The following DHX36 variants were observed in gnomAD, a reference collection of about 807,000 sequenced individuals.
The protein encoded by DHX36 is ATP-dependent DNA/RNA helicase DHX36.
Under a neutral mutation model 139.0 loss-of-function variants are expected in DHX36, and 50 were observed. The ratio of observed to expected loss-of-function variants is 0.36; its 90% CI spans 0.29 to 0.46. The LOEUF (loss-of-function observed/expected upper bound fraction) is 0.46, where lower values mean the gene tolerates loss of function less well. Ranked by LOEUF, DHX36 falls within the 20% of genes least tolerant of loss-of-function variation. DHX36 has a pLI of 1.00. For synonymous variants in DHX36, 425 were observed against 401.9 expected (o/e 1.06, Z -0.69); for missense variants, 1,024 against 1,211.3 (o/e 0.85, Z 2.29).
chr3:154,320,232 T>C (rs1713137295), intron 1 of DHX36, among the ~76,000 whole-genome samples: 1 of 152,182 alleles, frequency 6.6e-6, no homozygotes, highest in African/African-American at 2.4e-5. Context: ...CTAGATTATT[T>C]TGTAACCTTC....
intron 1 of DHX36, chr3:154,319,273 C>T (rs1420770162): frequency 2.6e-5 from 4 of 152,060 alleles, no homozygotes; most frequent in African/African-American, 7.2e-5. Flanking sequence ...TTCTCAAATA[C>T]CCTGCTTCTA....
intron 20 of DHX36, among the ~76,000 whole-genome samples, chr3:154,281,362 T>C (rs1004327450): frequency 2.3e-4 from 35 of 151,630 alleles, no homozygotes; most frequent in African/African-American, 8.5e-4. Flanking sequence ...AAGCTTAAGG[T>C]TTTGTTTTTT....
rs1559942446 is a variant in DHX36 at position 154,276,344 on chromosome 3, C to T, written c.2854G>A (p.Glu952Lys). 6.2e-7 allele frequency: 1 copy of T among 1,610,454 alleles called. No individual in the cohort carries two copies. The highest frequency in any genetic ancestry group is 1.3e-5 in the African/African-American group (1 of 74,736). The change falls in exon 25 of 25, where the codon GAA becomes AAA. Residue 952 changes from glutamate to lysine, a missense_variant. Transcript: ENST00000496811. ...TTCTCTTGCAGAAGAATATCTAGTT[C>T]CTTTCTTAATTCCTAAGGTTGGAAA... is the stretch of plus-strand genomic sequence containing the variant. The part of the protein sequence containing the change: ...IAHLVKELRK[E>K]LDILLQEKIE...
intron 24 of DHX36, 160 bp from the exon 25 acceptor site, chr3:154,276,516 T>TA (rs756017572): frequency 2.1e-5 from 17 of 793,574 alleles, no homozygotes; most frequent in Non-Finnish European, 3.3e-5. Context: ...TATGAGTGAA[T>TA]AACTAAAGTG....
At chr3:154,313,621 A>G (rs1034916981) in intron 3 of DHX36, among the ~76,000 whole-genome samples, 1 of 152,196 alleles carries the variant, frequency 6.6e-6, no homozygotes, top group Admixed American at 6.5e-5. Flanking sequence ...TCGAGGCTGC[A>G]GTGAGCCATG....
intron 17 of DHX36, among the ~76,000 whole-genome samples, chr3:154,286,644 G>C (rs1407689653): frequency 6.6e-6 from 1 of 151,712 alleles, no homozygotes; most frequent in Non-Finnish European, 1.5e-5. Flanking sequence ...ATAAACAGAG[G>C]AATAGATGAT....
chr3:154,276,697 C>A, intron 24 of DHX36, 50 bp downstream of exon 24: 1 of 1,566,038 alleles, frequency 6.4e-7, no homozygotes, highest in Non-Finnish European at 8.8e-7. Flanking sequence ...ACCACATGAC[C>A]ACATGCTGAC....
rs1559957621 is a variant in DHX36 at position 154,310,801 on chromosome 3, A to AAG, written c.642+834_642+835insCT. 7.1e-4 allele frequency among the ~76,000 whole-genome samples: 28 copies of AAG among 39,472 alleles called. 1 individual carries two copies. The highest frequency in any genetic ancestry group is 2.7e-3 in the African/African-American group (26 of 9,482). The allele number at this position is 39,472 out of a possible 152,430, so 25.9% of individuals were successfully genotyped here. On this transcript the variant is annotated intron_variant, in intron 4 of 24. Transcript: ENST00000496811. The stretch of plus-strand genomic sequence containing the variant: ...TCAAAAAAAAAAAAAAAAAAAAAAA[A>AAG]AAAAAATATATATATATATATATAT...
intron 9 of DHX36, among the ~76,000 whole-genome samples, chr3:154,301,765 T>C (rs901179420): frequency 6.6e-6 from 1 of 152,056 alleles, no homozygotes; most frequent in African/African-American, 2.4e-5. Context: ...GCTAAAACCA[T>C]AGAGGGCGCA....
intron 20 of DHX36, among the ~76,000 whole-genome samples, chr3:154,282,870 T>C (rs1419912387): frequency 6.6e-6 from 1 of 152,182 alleles, no homozygotes; most frequent in Non-Finnish European, 1.5e-5. Flanking sequence ...ATCTATCCTA[T>C]TTGATACTTT....
At chr3:154,321,843 C>G (rs539147833) in intron 1 of DHX36, among the ~76,000 whole-genome samples, 1 of 150,036 alleles carries the variant, frequency 6.7e-6, no homozygotes, top group East Asian at 2.0e-4. Flanking sequence ...CCCGTAATCT[C>G]AGCTACTCAG....
chr3:154,283,600 C>T (rs751956129), intron 19 of DHX36, among the ~76,000 whole-genome samples: 3 of 151,362 alleles, frequency 2.0e-5, no homozygotes, highest in African/African-American at 7.3e-5. Flanking sequence ...GACTTAAATG[C>T]TATTATATAT....
Position 154,300,537 on chromosome 3 carries a change from T to C in DHX36, c.1461+57A>G. The C allele has an allele frequency of 4.3e-6, 6 of 1,379,346 alleles. No individual in the cohort carries two copies. In the South Asian group the frequency reaches 4.8e-5, roughly 11 times the overall value. 85.4% of individuals were successfully genotyped at this position (1,379,346 alleles called of 1,614,324 possible). ...TAAGAAAACTGTATTTTTCATGGCC[T>C]TGATACGTTAATAAAATTAAAATTA... is the stretch of plus-strand genomic sequence containing the variant. On this transcript the variant is annotated intron_variant, in intron 11 of 24. Coordinates refer to ENST00000496811, the MANE Select transcript of DHX36 (RefSeq NM_020865.3).
In DHX36 at chr3:154,280,855, T is replaced by C; in HGVS notation, c.2384A>G (p.His795Arg). ...CTCAGCAAACTGTCCTTTCATGTTA[T>C]GCAGCATCTAGGGAGCAATGGTAAC... ...FLSSNTLQML[H>R]NMKGQFAEHL... The change falls in exon 21 of 25, where the codon CAT becomes CGT. Residue 795 changes from histidine (H) to arginine (R), a missense_variant. Around this residue, in one of 4 missense-constraint regions of DHX36, gnomAD observed 470 missense variants for 616.2 expected, o/e 0.76. Coordinates refer to ENST00000496811, the MANE Select transcript of DHX36 (RefSeq NM_020865.3). 6.2e-7 allele frequency: 1 copy of C among 1,613,032 alleles called. No homozygotes were observed. Among genetic ancestry groups the C allele is most frequent in the Non-Finnish European group, 8.5e-7 (1 of 1,179,534 alleles).
chr3:154,312,350 A>C (rs1233280431), intron 3 of DHX36: 4 of 152,206 alleles, frequency 2.6e-5, no homozygotes, highest in African/African-American at 9.6e-5. Context: ...ATACTACAAA[A>C]GGAATGACTA....
In DHX36 at chr3:154,274,244, G is replaced by C. The variant is rs528693334; in HGVS notation, c.*1927C>G. 1 of 154,162 alleles carries C rather than the reference G, an allele frequency of 6.5e-6. No individual in the cohort carries two copies. Among genetic ancestry groups the C allele is most frequent in the South Asian group, 1.9e-4 (1 of 5,144 alleles). 9.5% of individuals were successfully genotyped at this position (154,162 alleles called of 1,614,324 possible). A position where few individuals can be genotyped will look rare whatever the true frequency, so the allele number is the denominator to read the frequency against. ...GATCACTTGAACCCAGGAAGTCGAG[G>C]CTGCAGTGAACCAAGATCACACCAC... On this transcript the variant is annotated 3_prime_UTR_variant, in exon 25 of 25. Coordinates refer to ENST00000496811, the MANE Select transcript of DHX36 (RefSeq NM_020865.3).
chr3:154,316,034 C>T lies in DHX36; in HGVS notation c.368+5G>A, dbSNP rs752385542. 56 of 1,610,744 alleles carry T rather than the reference C, an allele frequency of 3.5e-5. No individual in the cohort carries two copies. Among genetic ancestry groups the T allele is most frequent in the Non-Finnish European group, 4.6e-5 (54 of 1,178,714 alleles). The stretch of plus-strand genomic sequence containing the variant: ...TATTCTTTAAAAAAATATTTCTTGT[C>T]GTACCCATGATCCTCAGGAGCAAAC... On this transcript the variant is annotated splice_donor_5th_base_variant and intron_variant, in intron 2 of 24. Transcript: ENST00000496811.
At chr3:154,318,471 G>A (rs1053458517) in intron 1 of DHX36, among the ~76,000 whole-genome samples, 3 of 151,800 alleles carry the variant, frequency 2.0e-5, no homozygotes, top group Non-Finnish European at 4.4e-5. Context: ...CTTCCTGCCC[G>A]TAACAGCACA....
chr3:154,315,904 AAATCT>A, intron 2 of DHX36, 130 bp downstream of exon 2: 1 of 1,066,088 alleles, frequency 9.4e-7, no homozygotes. Flanking sequence ...GTCATTTTCT[AAATCT>A]GTTTAATCTA....
Sources: allele counts gnomAD v4.1 joint callset (sites outside exome capture counted in the v4.1 genomes callset), GRCh38; gene constraint gnomAD v4.1.1; regional missense constraint gnomAD v4.1.1; transcripts MANE v1.5; gene names NCBI Gene and HGNC (gene_info 2026-07-23, HGNC 2026-07-21).